Variants in C8orf34 observed in about 807,000 individuals in gnomAD.
C8orf34 encodes the protein uncharacterized protein C8orf34.
Under a neutral mutation model 68.3 loss-of-function variants are expected in C8orf34, and 65 were observed. The ratio of observed to expected loss-of-function variants is 0.95; its 90% confidence interval spans 0.78 to 1.17. C8orf34 has a LOEUF of 1.17. C8orf34 is among the 50% of genes most tolerant of loss of function. C8orf34 has a pLI of 0.00. For synonymous variants in C8orf34, 244 were observed against 241.2 expected (o/e 1.01, Z -0.11); for missense variants, 664 against 655.4 (o/e 1.01, Z -0.14).
intron 5 of C8orf34, among the ~76,000 whole-genome samples, chr8:68,497,210 A>C (rs1298602698): frequency 6.6e-6 from 1 of 152,218 alleles, no homozygotes; most frequent in Non-Finnish European, 1.5e-5. Context: ...AAGCCATATA[A>C]ATTCCAAATG....
At chr8:68,788,376 T>C (rs2129529033) in intron 12 of C8orf34, among the ~76,000 whole-genome samples, 1 of 152,308 alleles carries the variant, frequency 6.6e-6, no homozygotes, top group South Asian at 2.1e-4. Context: ...AATGTTCTTA[T>C]CCCACTTCCC....
At chr8:68,367,907 GAAAAGAAAAAAAAAAAAAAAAAAAAA>G (rs1400408501) in intron 1 of C8orf34, among the ~76,000 whole-genome samples, 4 of 15,034 alleles carry the variant, frequency 2.7e-4, no homozygotes, top group African/African-American at 1.0e-3. Flanking sequence ...AATAAAAAAA[GAAAAGAAAAAAAAAAAAAAAAAAAAA>G]AAAAGAAAAA....
At chr8:68,354,744 A>G (rs1357829504) in intron 1 of C8orf34, among the ~76,000 whole-genome samples, 7 of 152,120 alleles carry the variant, frequency 4.6e-5, no homozygotes, top group Non-Finnish European at 8.8e-5. Context: ...TGCGGACAAA[A>G]GATATTTGGT....
intron 5 of C8orf34, among the ~76,000 whole-genome samples, chr8:68,498,743 T>C (rs1217746557): frequency 6.6e-6 from 1 of 152,168 alleles, no homozygotes; most frequent in Non-Finnish European, 1.5e-5. Flanking sequence ...AAATCAGAAA[T>C]ATCATTAAGA....
intron 4 of C8orf34, among the ~76,000 whole-genome samples, chr8:68,471,603 A>G (rs1812380160): frequency 1.3e-5 from 2 of 152,032 alleles, no homozygotes; most frequent in African/African-American, 2.4e-5. Flanking sequence ...TTTATTACCC[A>G]TTGTTTTAAT....
chr8:68,466,280 T>A (rs1812131485), intron 3 of C8orf34, among the ~76,000 whole-genome samples: 1 of 151,908 alleles, frequency 6.6e-6, no homozygotes, highest in South Asian at 2.1e-4. Flanking sequence ...AGCATAAGCA[T>A]ACGGTAAGAT....
intron 10 of C8orf34, among the ~76,000 whole-genome samples, chr8:68,758,651 C>T (rs1013549442): frequency 1.3e-5 from 2 of 152,046 alleles, no homozygotes; most frequent in Non-Finnish European, 2.9e-5. Context: ...GGGATCGTGG[C>T]GGCTTGCTTT....
At chr8:68,708,618 T>G (rs1309331890) in intron 8 of C8orf34, among the ~76,000 whole-genome samples, 2 of 152,196 alleles carry the variant, frequency 1.3e-5, no homozygotes, top group African/African-American at 4.8e-5. Flanking sequence ...AAAATCCTTT[T>G]ATGACTCCCA....
chr8:68,351,325 T>G (rs1045612952), intron 1 of C8orf34, among the ~76,000 whole-genome samples: 1 of 152,012 alleles, frequency 6.6e-6, no homozygotes, highest in African/African-American at 2.4e-5. Flanking sequence ...AGCTGAGAGA[T>G]CCAATTAGCT....
chr8:68,617,118 T>C (rs1390366012), intron 7 of C8orf34, among the ~76,000 whole-genome samples: 1 of 152,204 alleles, frequency 6.6e-6, no homozygotes, highest in Non-Finnish European at 1.5e-5. Context: ...AACTCCTGCC[T>C]TTTTTTGTTT....
intron 6 of C8orf34, among the ~76,000 whole-genome samples, chr8:68,529,707 A>G (rs777747108): frequency 1.2e-3 from 183 of 152,308 alleles, no homozygotes; most frequent in African/African-American, 4.3e-3. Context: ...TAAGCTTACA[A>G]TTGGTTAGAT....
chr8:68,335,731 T>C (rs908555242), intron 1 of C8orf34, among the ~76,000 whole-genome samples: 9 of 152,148 alleles, frequency 5.9e-5, no homozygotes, highest in African/African-American at 2.2e-4. Flanking sequence ...CTATATAACC[T>C]TAGAAATAGT....
At chr8:68,693,018 A>C (rs1820727252) in intron 8 of C8orf34, among the ~76,000 whole-genome samples, 1 of 152,160 alleles carries the variant, frequency 6.6e-6, no homozygotes, top group South Asian at 2.1e-4. Context: ...CTTTACCTGA[A>C]TAAATGAGCT....
intron 1 of C8orf34, among the ~76,000 whole-genome samples, chr8:68,427,211 T>A (rs965247612): frequency 7.2e-5 from 11 of 152,108 alleles, no homozygotes; most frequent in Non-Finnish European, 1.3e-4. Flanking sequence ...AAATGAAACC[T>A]CATGTGTACA....
chr8:68,667,409 C>G (rs1460407147), intron 8 of C8orf34, among the ~76,000 whole-genome samples: 3 of 152,114 alleles, frequency 2.0e-5, no homozygotes, highest in Non-Finnish European at 4.4e-5. Flanking sequence ...TTAATGTCAA[C>G]AGTTTAATTA....
chr8:68,809,979 G>A (rs185254055), intron 12 of C8orf34, among the ~76,000 whole-genome samples: 94 of 152,338 alleles, frequency 6.2e-4, no homozygotes, highest in Non-Finnish European at 1.0e-3. Context: ...TATTTTAATG[G>A]AGAGCTAACT....
At chr8:68,626,557 A>G (rs140146353) in intron 7 of C8orf34, among the ~76,000 whole-genome samples, 1 of 152,332 alleles carries the variant, frequency 6.6e-6, no homozygotes, top group African/African-American at 2.4e-5. Context: ...CCCAATGCAG[A>G]AGCACTTATA....
intron 5 of C8orf34, among the ~76,000 whole-genome samples, chr8:68,514,414 T>C (rs1814415610): frequency 6.6e-6 from 1 of 152,176 alleles, no homozygotes; most frequent in Non-Finnish European, 1.5e-5. Flanking sequence ...ACTAATGGTA[T>C]TATCATGCAA....
intron 8 of C8orf34, among the ~76,000 whole-genome samples, chr8:68,654,901 T>C (rs1173513302): frequency 6.6e-6 from 1 of 152,166 alleles, no homozygotes; most frequent in African/African-American, 2.4e-5. Context: ...GAAACTAGTA[T>C]ATATAAACTA....
Sources: gnomAD v4.1 joint callset for allele counts (sites outside exome capture counted in the v4.1 genomes callset) on GRCh38, gnomAD v4.1.1 for gene constraint, MANE v1.5 for transcripts, NCBI Gene and HGNC (gene_info 2026-07-23, HGNC 2026-07-21) for gene names.